RABEP2: variants seen among roughly 807,000 people sequenced by gnomAD.
RABEP2 encodes the protein rabaptin, RAB GTPase binding effector protein 2, also known as rab GTPase-binding effector protein 2.
Under a neutral mutation model 74.1 loss-of-function variants are expected in RABEP2, and 57 were observed. The ratio of observed to expected loss-of-function variants is 0.77; its 90% CI spans 0.62 to 0.96. The LOEUF (loss-of-function observed/expected upper bound fraction) is 0.96, where lower values mean the gene tolerates loss of function less well. RABEP2 is among the 40% of genes least tolerant of loss of function. RABEP2 has a pLI of 0.00. For synonymous variants in RABEP2, 351 were observed against 344.0 expected, an observed-to-expected ratio of 1.02 and a Z score of -0.23; for missense variants, 692 against 756.3, an observed-to-expected ratio of 0.91 and a Z score of 1.00.
At chr16:28,914,842 C>A in intron 3 of RABEP2, 60 bp from the exon 4 acceptor site, 1 of 1,423,222 alleles carries the variant, frequency 7.0e-7, no homozygotes, top group African/African-American at 1.4e-5. Flanking sequence ...AGCCCCGGGT[C>A]TGTTCAGAGC....
At chr16:28,907,139 CTTTT>C (rs1054903265) in intron 8 of RABEP2, among the ~76,000 whole-genome samples, 1 of 140,828 alleles carries the variant, frequency 7.1e-6, no homozygotes, top group African/African-American at 2.6e-5. Context: ...CCCCATGGAT[CTTTT>C]TTTTTGTTTT....
intron 7 of RABEP2, chr16:28,910,193 G>C (rs536039430): frequency 2.6e-4 from 39 of 152,128 alleles, no homozygotes; most frequent in African/African-American, 8.4e-4. Context: ...TCTGGTTCCA[G>C]GCCGCCTACT....
Position 28,924,600 on chromosome 16 carries a change from C to G in RABEP2, c.77G>C (p.Arg26Pro). 6.2e-7 allele frequency: 1 copy of G among 1,610,974 alleles called. No individual in the cohort carries two copies. Among genetic ancestry groups the G allele is most frequent in the Non-Finnish European group, 8.5e-7 (1 of 1,179,964 alleles). ...CTCACCATTTGCCCCTTCCTGGGAC[C>G]GGGAGTCCTCCAGTGCTGTGGGGGA... is the stretch of plus-strand genomic sequence containing the variant. ...RRPGAALEDS[R>P]SQEGANGEAE... The change falls in exon 2 of 13, where the codon CGG (arginine) becomes CCG (proline). Residue 26 changes from arginine (R) to proline (P), a missense_variant. Physicochemically the swap from Arg to Pro is moderately radical, Grantham distance 103. Coordinates refer to ENST00000358201, the MANE Select transcript of RABEP2 (RefSeq NM_024816.3).
chr16:28,924,847 C>T (rs1028437804), intron 1 of RABEP2: 1 of 712,452 alleles, frequency 1.4e-6, no homozygotes, highest in Non-Finnish European at 2.5e-6. Context: ...TCTCTTCGGT[C>T]CCACCTGGCC....
At chr16:28,908,986 T>C in intron 7 of RABEP2, among the ~76,000 whole-genome samples, 1 of 144,138 alleles carries the variant, frequency 6.9e-6, no homozygotes, top group East Asian at 2.0e-4. Context: ...CCAAGCCAGA[T>C]ATTTTACTTG....
At chr16:28,914,915 A>T in intron 3 of RABEP2, 133 bp from the exon 4 acceptor site, 2 of 718,194 alleles carry the variant, frequency 2.8e-6, no homozygotes, top group South Asian at 3.7e-5. Context: ...CCCTCATTCC[A>T]GAGATAAGAA....
Position 28,924,560 on chromosome 16 carries a change from C to T in RABEP2, c.117G>A (p.Glu39=). Reference sequence around the variant, plus strand: ...CCAGCTCAGCCCGAAGCCGGCTGAGCTCACCTGACTCGGCCTCACCATTTG... The same window carrying T: ...CCAGCTCAGCCCGAAGCCGGCTGAGTTCACCTGACTCGGCCTCACCATTTG... ...EGANGEAESG[E]LSRLRAELAG... Residue 39 remains glutamate, a synonymous_variant, in exon 2 of 13, where the codon GAG becomes GAA. Coordinates refer to ENST00000358201, the MANE Select transcript of RABEP2 (RefSeq NM_024816.3). 1 of 1,613,670 alleles carries T rather than the reference C, an allele frequency of 6.2e-7. No homozygotes were observed. The highest frequency in any genetic ancestry group is 8.5e-7 in the Non-Finnish European group (1 of 1,180,016).
chr16:28,906,028 C>A lies in RABEP2; in HGVS notation c.1414G>T (p.Glu472Ter). Residue 472 changes from glutamate to a stop codon, truncating the protein, a stop_gained, in exon 9 of 13, where the codon GAG (glutamate) becomes TAG (stop). Transcript: ENST00000358201. LOFTEE classifies it high-confidence loss of function. ...SLEGQLRVQR[E>*]ETEVLEASLC... is the part of the protein sequence containing the mutation. The stretch of plus-strand genomic sequence containing the variant: ...GTGCCCCTCCCCTCACCTGTCTCCT[C>A]CCGCTGCACCCTCAGCTGCCCCTCC... 6.2e-7 allele frequency: 1 copy of A among 1,605,662 alleles called. No homozygotes were observed. Among genetic ancestry groups the A allele is most frequent in the South Asian group, 1.1e-5 (1 of 90,350 alleles).
chr16:28,912,621 C>T (rs1051219584), intron 5 of RABEP2, among the ~76,000 whole-genome samples: 2 of 151,978 alleles, frequency 1.3e-5, no homozygotes, highest in African/African-American at 4.8e-5. Context: ...TCATGTTGCC[C>T]AGGCTGGTCT....
In RABEP2 at chr16:28,910,947, G is replaced by A; in HGVS notation, c.1030C>T (p.Leu344=). Residue 344 remains leucine (L), a synonymous_variant, in exon 7 of 13, where the codon CTG becomes TTG. Coordinates refer to ENST00000358201, the MANE Select transcript of RABEP2 (RefSeq NM_024816.3). ...ACGGTCCCTTGCAGGGTCCGCAGCA[G>A]CTGCTCTGAGTTCTGGACCTGGGCC... is the stretch of plus-strand genomic sequence containing the variant. ...LLAQVQNSEQ[L]LRTLQGTVSQ... is the part of the protein sequence containing the mutation. The A allele has an allele frequency of 6.2e-7, 1 of 1,613,098 alleles. No homozygotes were observed. Among genetic ancestry groups the A allele is most frequent in the South Asian group, 1.1e-5 (1 of 90,972 alleles).
chr16:28,909,876 A>T (rs1465953949), intron 7 of RABEP2, among the ~76,000 whole-genome samples: 1 of 151,598 alleles, frequency 6.6e-6, no homozygotes, highest in East Asian at 1.9e-4. Flanking sequence ...TACAAAAAAA[A>T]ATATTAACCG....
rs980902803 is a variant in RABEP2, at chr16:28,904,824, CCTCAACCCCAGT to C, written c.*107_*118del. 2.4e-6 allele frequency: 2 copies of C among 816,956 alleles called. No individual in the cohort carries two copies. The highest frequency in any genetic ancestry group is 3.4e-5 in the African/African-American group (2 of 58,440). 50.6% of individuals were successfully genotyped at this position (816,956 alleles called of 1,614,324 possible). A position where few individuals can be genotyped will look rare whatever the true frequency, so the allele number is the denominator to read the frequency against. On this transcript the variant is annotated 3_prime_UTR_variant, in exon 13 of 13. Coordinates refer to ENST00000358201, the MANE Select transcript of RABEP2 (RefSeq NM_024816.3). ...GGGCGGTGGTGGCCCCCGTCAGTCC[CCTCAACCCCAGT>C]CTCAGGGACGGTGGAAAAGCCATCC... is the stretch of plus-strand genomic sequence containing the variant.
intron 2 of RABEP2, among the ~76,000 whole-genome samples, chr16:28,923,833 C>T (rs937005210): frequency 1.1e-4 from 16 of 152,168 alleles, no homozygotes; most frequent in Non-Finnish European, 2.2e-4. Context: ...GCAGCGGGGG[C>T]AGCTCTGACA....
At chr16:28,924,843 C>A (rs1389058558) in intron 1 of RABEP2, 2 of 710,656 alleles carry the variant, frequency 2.8e-6, no homozygotes, top group Non-Finnish European at 5.0e-6. Flanking sequence ...GTCCTCTCTT[C>A]GGTCCCACCT....
chr16:28,914,142 G>C, intron 5 of RABEP2, 94 bp downstream of exon 5: 2 of 1,056,796 alleles, frequency 1.9e-6, no homozygotes, highest in Non-Finnish European at 1.3e-6. Flanking sequence ...TGGAAGCTCC[G>C]GCTCTAGTTC....
At chr16:28,909,747 G>A (rs1229370969) in intron 7 of RABEP2, among the ~76,000 whole-genome samples, 3 of 151,292 alleles carry the variant, frequency 2.0e-5, no homozygotes, top group Non-Finnish European at 4.4e-5. Context: ...ACAGGAGGCC[G>A]GGCTCAGTGG....
intron 4 of RABEP2, 29 bp downstream of exon 4, chr16:28,914,643 T>C: frequency 1.2e-6 from 2 of 1,612,464 alleles, no homozygotes; most frequent in South Asian, 2.2e-5. Flanking sequence ...CACCCCTCCT[T>C]CCCCAGCGCC....
chr16:28,908,593 C>T lies in RABEP2; in HGVS notation c.1245+16G>A, dbSNP rs1420942619. On this transcript the variant is annotated intron_variant, in intron 8 of 12. Transcript: ENST00000358201. ...TCACGGTGGCTCCAGGCTCTCAGTG[C>T]CCACACTCAGCTTACTGGCACAGAG... The T allele has an allele frequency of 1.3e-6, 2 of 1,596,720 alleles. No homozygotes were observed. Among genetic ancestry groups the T allele is most frequent in the Admixed American group, 3.4e-5 (2 of 58,508 alleles).
intron 2 of RABEP2, 40 bp downstream of exon 2, chr16:28,924,363 A>G: frequency 1.3e-6 from 2 of 1,571,540 alleles, no homozygotes; most frequent in African/African-American, 2.7e-5. Flanking sequence ...ACTCCCCAGT[A>G]TGGGGTTGAT....
Sources: allele counts gnomAD v4.1 joint callset (sites outside exome capture counted in the v4.1 genomes callset), GRCh38; gene constraint gnomAD v4.1.1; transcripts MANE v1.5; gene names NCBI Gene and HGNC (gene_info 2026-07-23, HGNC 2026-07-21).